Variants in DPP6 observed in about 807,000 individuals in gnomAD.
DPP6 encodes the protein A-type potassium channel modulatory protein DPP6.
In DPP6, 69 loss-of-function variants were observed where a neutral mutation model predicts 122.6. The ratio of observed to expected loss-of-function variants is 0.56; its 90% CI spans 0.46 to 0.69. DPP6 has a LOEUF of 0.69. Ranked by LOEUF, DPP6 falls within the 30% of genes least tolerant of loss-of-function variation. DPP6 has a pLI of 0.00. For synonymous variants in DPP6, 418 were observed against 433.1 expected, an observed-to-expected ratio of 0.97 and a Z score of 0.43; for missense variants, 928 against 1,116.9, an observed-to-expected ratio of 0.83 and a Z score of 2.41.
At chr7:154,883,021 G>A in intron 21 of DPP6, among the ~76,000 whole-genome samples, 1 of 151,280 alleles carries the variant, frequency 6.6e-6, no homozygotes, top group South Asian at 2.1e-4. Flanking sequence ...ACACATGGAT[G>A]CTCACCCATA....
At chr7:154,060,925 C>A (rs1308199097) in intron 1 of DPP6, among the ~76,000 whole-genome samples, 1 of 147,290 alleles carries the variant, frequency 6.8e-6, no homozygotes, top group Non-Finnish European at 1.5e-5. Flanking sequence ...AGACCCTCTT[C>A]CCCCACTGGC....
chr7:154,581,686 T>A (rs571127674), intron 5 of DPP6, among the ~76,000 whole-genome samples: 4 of 152,216 alleles, frequency 2.6e-5, no homozygotes, highest in Non-Finnish European at 4.4e-5. Context: ...TGCAGTCATG[T>A]CTAATGCAGC....
intron 1 of DPP6, among the ~76,000 whole-genome samples, chr7:153,965,486 C>A (rs1190653738): frequency 6.6e-6 from 1 of 152,094 alleles, no homozygotes; most frequent in Non-Finnish European, 1.5e-5. Context: ...GAAAATGACA[C>A]CATTCTCCAT....
intron 1 of DPP6, among the ~76,000 whole-genome samples, chr7:154,013,460 T>TC (rs1563100316): frequency 1.5e-5 from 2 of 135,794 alleles, no homozygotes; most frequent in African/African-American, 6.4e-5. Flanking sequence ...TTTCTTTTCT[T>TC]TTTTTTTTTT....
chr7:154,719,829 C>A (rs774832114), intron 7 of DPP6, among the ~76,000 whole-genome samples: 11 of 152,208 alleles, frequency 7.2e-5, no homozygotes, highest in Non-Finnish European at 1.3e-4. Flanking sequence ...TGCCGATTGT[C>A]ATTGCTCTGA....
intron 1 of DPP6, among the ~76,000 whole-genome samples, chr7:154,381,940 G>A (rs1029281735): frequency 5.3e-5 from 8 of 152,154 alleles, no homozygotes; most frequent in Admixed American, 5.2e-4. Context: ...GGGGTCATGG[G>A]ATGACACAGA....
At position 154,282,112 on chromosome 7, in the gene DPP6, A is replaced by G. The variant is rs1804553812; in HGVS notation, c.244-164102A>G. On this transcript the variant is annotated intron_variant, in intron 1 of 25. Transcript: ENST00000377770. This position sits in a 1 kb window ranked among gnomAD's most constrained non-coding sequence, Gnocchi z 4.8. The stretch of plus-strand genomic sequence containing the variant: ...GAACCAAGTGTAATGATGTGTGTTG[A>G]GGGGTGGGGACAGGGCTGGCACAGT... Among the ~76,000 whole-genome samples, 1 of 151,972 alleles carries G rather than the reference A, an allele frequency of 6.6e-6. No homozygotes were observed. The highest frequency in any genetic ancestry group is 2.1e-4 in the South Asian group (1 of 4,810).
In DPP6 at chr7:154,006,904, C is replaced by CT. The variant is rs1051881882; in HGVS notation, c.51+119177dup. ...AGGTAAGAGTGGTATAGCAGCTTGG[C>CT]TTTTTTTAGATGAGAAGCTACCTCC... On this transcript the variant is annotated intron_variant, in intron 1 of 25. Transcript: ENST00000404039. 7.2e-5 allele frequency among the ~76,000 whole-genome samples: 11 copies of CT among 152,300 alleles called. No homozygotes were observed. The East Asian group carries it at 7.7e-4, about 11-fold the overall frequency.
chr7:154,212,833 T>C (rs971387127), intron 1 of DPP6, among the ~76,000 whole-genome samples: 4 of 152,106 alleles, frequency 2.6e-5, no homozygotes, highest in African/African-American at 9.7e-5. Context: ...GGATGGATGC[T>C]GAGGAGCACA....
At chr7:154,723,120 G>A (rs539724009) in intron 7 of DPP6, among the ~76,000 whole-genome samples, 1 of 152,094 alleles carries the variant, frequency 6.6e-6, no homozygotes, top group African/African-American at 2.4e-5. Context: ...TTAGCCAGGA[G>A]TGGTGGCTGG....
chr7:154,521,338 A>G (rs1441388385), intron 3 of DPP6, among the ~76,000 whole-genome samples: 3 of 152,068 alleles, frequency 2.0e-5, no homozygotes, highest in Admixed American at 6.6e-5. Flanking sequence ...ATAATTTGCA[A>G]AAACAAATCC....
rs1441430897 is a variant in DPP6, at chr7:154,486,717, C to T, written c.457+11680C>T. Among the ~76,000 whole-genome samples, 1 of 152,194 alleles carries T rather than the reference C, an allele frequency of 6.6e-6. No homozygotes were observed. Among genetic ancestry groups the T allele is most frequent in the Non-Finnish European group, 1.5e-5 (1 of 68,028 alleles). On this transcript the variant is annotated intron_variant, in intron 3 of 25. Coordinates refer to ENST00000377770, the MANE Select transcript of DPP6 (RefSeq NM_130797.4). The surrounding 1 kb of genome is among the most constrained non-coding windows in gnomAD (Gnocchi z 4.5). Reference sequence around the variant, plus strand: ...ACCACCTTGGGGATGCAGCCCACTTCGCAGAGGCTGGATGCACTTCCTCCG... The same window carrying T: ...ACCACCTTGGGGATGCAGCCCACTTTGCAGAGGCTGGATGCACTTCCTCCG...
rs530677911 is a variant in DPP6, at chr7:154,629,065, G to T, written c.628-8756G>T. Among the ~76,000 whole-genome samples, 345 of 152,262 alleles carry T rather than the reference G, an allele frequency of 2.3e-3. 1 individual carries two copies. Among genetic ancestry groups the T allele is most frequent in the African/African-American group, 7.7e-3 (321 of 41,558 alleles). On this transcript the variant is annotated intron_variant, in intron 5 of 25. Transcript: ENST00000377770. ...GTACAGGACATTGCTTTCATGAAGT[G>T]TCTGTCACAGTCCACAAAACCTCGG...
At chr7:154,711,230 G>A (rs1841159774) in intron 7 of DPP6, among the ~76,000 whole-genome samples, 1 of 152,192 alleles carries the variant, frequency 6.6e-6, no homozygotes, top group Non-Finnish European at 1.5e-5. Context: ...GGTTCACTAT[G>A]AATGTTTAAT....
At chr7:153,814,832 A>G in the DPP6 span, among the ~76,000 whole-genome samples, 2 of 151,664 alleles carry the variant, frequency 1.3e-5, no homozygotes, top group East Asian at 3.9e-4. Context: ...GTAATCCAGC[A>G]TATAAACAGA....
intron 1 of DPP6, among the ~76,000 whole-genome samples, chr7:154,063,821 A>G (rs532445010): frequency 3.1e-3 from 477 of 151,558 alleles, no homozygotes; most frequent in African/African-American, 8.5e-3. Flanking sequence ...AGAAAGTTCA[A>G]ATCTTCCGAC....
intron 8 of DPP6, among the ~76,000 whole-genome samples, chr7:154,754,512 G>A (rs1409089139): frequency 2.0e-5 from 3 of 152,152 alleles, no homozygotes; most frequent in Non-Finnish European, 4.4e-5. Context: ...AAAATACTAG[G>A]AAGAAAAATG....
intron 3 of DPP6, among the ~76,000 whole-genome samples, chr7:154,491,076 G>A (rs180862143): frequency 6.6e-6 from 1 of 152,122 alleles, no homozygotes; most frequent in Non-Finnish European, 1.5e-5. Context: ...AGGGGTGCAT[G>A]GCAACAAAAT....
In DPP6 at chr7:154,446,261, A is replaced by G. The variant is rs931964620; in HGVS notation, c.291A>G (p.Ala97=). The stretch of plus-strand genomic sequence containing the variant: ...CGCAGAGGAATTGGAAAGGAATAGC[A>G]ATTGCACTGCTTGTCATTCTGGTCA... The part of the protein sequence containing the change: ...NPPQRNWKGI[A]IALLVILVIC... The change falls in exon 2 of 26, where the codon GCA becomes GCG. Residue 97 remains alanine (A), a synonymous_variant. Transcript: ENST00000377770. 5.0e-6 allele frequency: 8 copies of G among 1,611,654 alleles called. No individual in the cohort carries two copies. The highest frequency in any genetic ancestry group is 6.8e-6 in the Non-Finnish European group (8 of 1,178,758).
Sources: allele counts gnomAD v4.1 joint callset (sites outside exome capture counted in the v4.1 genomes callset), GRCh38; gene constraint gnomAD v4.1.1; non-coding constraint Gnocchi (gnomAD v3.1); transcripts MANE v1.5; gene names NCBI Gene and HGNC (gene_info 2026-07-23, HGNC 2026-07-21).